POLQ: variants seen among roughly 807,000 people sequenced by gnomAD.
POLQ encodes DNA polymerase theta, also known as epididymis secretory sperm binding protein.
In POLQ, 233 loss-of-function variants were observed where a neutral mutation model predicts 259.2. The observed-to-expected ratio is 0.90, with a 90% CI of 0.81 to 1.00. The LOEUF is 1.00. POLQ is among the 50% of genes least tolerant of loss of function. POLQ has a pLI of 0.00. For synonymous variants in POLQ, 1,025 were observed against 1,048.8 expected, an observed-to-expected ratio of 0.98 and a Z score of 0.44; for missense variants, 2,871 against 3,051.6, an observed-to-expected ratio of 0.94 and a Z score of 1.39.
chr3:121,541,597 G>C, intron 2 of POLQ, 118 bp from the exon 3 acceptor site: 1 of 806,204 alleles, frequency 1.2e-6, no homozygotes, highest in East Asian at 2.6e-5. Flanking sequence ...AATCACTAAG[G>C]GCCCAATAGC....
At position 121,519,996 on chromosome 3, in the gene POLQ, GAAGA is replaced by G. The variant is rs758200157; in HGVS notation, c.1339_1342del (p.Ser447LeufsTer3). 3.7e-6 allele frequency: 6 copies of G among 1,613,164 alleles called. No individual in the cohort carries two copies. Among genetic ancestry groups the G allele is most frequent in the Middle Eastern group, 1.7e-4 (1 of 6,060 alleles). ...ACGACGTGCAGGTAAATTCACCCCAGAAGAAAGAGTAGAAGTTGCCGCCAAGACC... is the reference window on the plus strand; with the variant it reads ...ACGACGTGCAGGTAAATTCACCCCAGAAGAGTAGAAGTTGCCGCCAAGACC... On this transcript the variant is annotated frameshift_variant, in exon 9 of 30. Transcript: ENST00000264233. LOFTEE classifies it high-confidence loss of function.
intron 7 of POLQ, among the ~76,000 whole-genome samples, chr3:121,524,863 A>T (rs532305334): frequency 1.3e-5 from 2 of 152,228 alleles, no homozygotes; most frequent in South Asian, 4.1e-4. Context: ...ACATTTTCTT[A>T]TAAATAATAC....
intron 25 of POLQ, among the ~76,000 whole-genome samples, chr3:121,456,645 A>G (rs1276454575): frequency 2.0e-5 from 3 of 151,592 alleles, no homozygotes; most frequent in South Asian, 2.1e-4. Context: ...TGCTTCAAAG[A>G]GAATAAAATA....
Position 121,510,038 on chromosome 3 carries a change from C to G in POLQ, c.1816+1G>C, listed in dbSNP as rs146779177. The G allele has an allele frequency of 1.9e-6, 3 of 1,608,844 alleles. No individual in the cohort carries two copies. The African/African-American group carries it at 4.0e-5, about 21-fold the overall frequency. On this transcript the variant is annotated splice_donor_variant, in intron 11 of 29. Transcript: ENST00000264233. LOFTEE classifies it high-confidence loss of function. ...AATTGCAACTGAGAAGTCACACTTA[C>G]CTTCTGTTCCATCACTGGCTTCTGT... is the stretch of plus-strand genomic sequence containing the variant.
chr3:121,541,556 A>C, intron 2 of POLQ, 77 bp from the exon 3 acceptor site: 1 of 1,330,646 alleles, frequency 7.5e-7, no homozygotes, highest in East Asian at 2.3e-5. Flanking sequence ...GTTTTAAGCC[A>C]TGTGTAGTAC....
chr3:121,448,587 G>A (rs932735714), intron 26 of POLQ, among the ~76,000 whole-genome samples: 3 of 151,958 alleles, frequency 2.0e-5, no homozygotes, highest in Non-Finnish European at 2.9e-5. Context: ...GGATGGTCTC[G>A]ATCTCTTGAC....
At chr3:121,459,382 T>TTG (rs2047771274) in intron 25 of POLQ, among the ~76,000 whole-genome samples, 1 of 146,642 alleles carries the variant, frequency 6.8e-6, no homozygotes, top group East Asian at 2.0e-4. Context: ...TTTTTTTTTT[T>TTG]TTTTTTTTTT....
At chr3:121,458,900 A>C (rs650469) in intron 25 of POLQ, among the ~76,000 whole-genome samples, 7 of 152,240 alleles carry the variant, frequency 4.6e-5, no homozygotes, top group Non-Finnish European at 1.5e-5. Flanking sequence ...ACACACACAC[A>C]AAAACTACAA....
chr3:121,484,816 G>A (rs1290111911), intron 17 of POLQ, among the ~76,000 whole-genome samples: 2 of 152,048 alleles, frequency 1.3e-5, no homozygotes, highest in African/African-American at 4.8e-5. Flanking sequence ...CAGGAGAATC[G>A]CTTGAACCCA....
intron 8 of POLQ, 72 bp from the exon 9 acceptor site, chr3:121,520,155 A>C (rs1221740709): frequency 2.4e-6 from 2 of 846,074 alleles, no homozygotes; most frequent in Non-Finnish European, 3.9e-6. Context: ...TTACAAATGG[A>C]TTTGAGAGTC....
chr3:121,489,073 T>C lies in POLQ; in HGVS notation c.3858A>G (p.Leu1286=). The C allele has an allele frequency of 1.2e-6, 2 of 1,613,518 alleles. No homozygotes were observed. The highest frequency in any genetic ancestry group is 8.5e-7 in the Non-Finnish European group (1 of 1,179,466). The part of the protein sequence containing the change: ...SKSEGQHENF[L]NISRLQEKTG... ...TTTTTTCTTGTAGTCTAGAAATATTTAGAAAATTCTCATGCTGGCCTTCTG... is the reference window on the plus strand; with the variant it reads ...TTTTTTCTTGTAGTCTAGAAATATTCAGAAAATTCTCATGCTGGCCTTCTG... Residue 1286 remains leucine, a synonymous_variant, in exon 16 of 30, where the codon CTA becomes CTG. Coordinates refer to ENST00000264233, the MANE Select transcript of POLQ (RefSeq NM_199420.4).
intron 22 of POLQ, among the ~76,000 whole-genome samples, chr3:121,471,052 A>G: frequency 6.6e-6 from 1 of 152,250 alleles, no homozygotes; most frequent in East Asian, 1.9e-4. Context: ...CCCACATTCT[A>G]TACCACCAAT....
intron 25 of POLQ, among the ~76,000 whole-genome samples, chr3:121,453,428 G>A (rs1322086085): frequency 1.3e-5 from 2 of 152,164 alleles, no homozygotes; most frequent in Non-Finnish European, 2.9e-5. Flanking sequence ...GGCTTCAGAC[G>A]ATCAAACTAC....
intron 27 of POLQ, among the ~76,000 whole-genome samples, chr3:121,438,727 A>AT (rs974084814): frequency 6.6e-6 from 1 of 152,154 alleles, no homozygotes; most frequent in Non-Finnish European, 1.5e-5. Flanking sequence ...TTTCATATAT[A>AT]TTTTTTTGTT....
At position 121,491,346 on chromosome 3, in the gene POLQ, CAAAAAAAAAAAA is replaced by C. The variant is rs3045625; in HGVS notation, c.2523-950_2523-939del. On this transcript the variant is annotated intron_variant, in intron 15 of 29. Coordinates refer to ENST00000264233, the MANE Select transcript of POLQ (RefSeq NM_199420.4). The stretch of plus-strand genomic sequence containing the variant: ...CCAGGGCGACAGAGCGAGACTGTCA[CAAAAAAAAAAAA>C]AAAAAAAAAAAAAGACAAGACAAGA... Among the ~76,000 whole-genome samples the C allele has an allele frequency of 2.7e-4, 21 of 77,988 alleles. 1 individual carries two copies. Among genetic ancestry groups the C allele is most frequent in the Admixed American group, 2.4e-3 (13 of 5,350 alleles). The allele number at this position is 77,988 out of a possible 152,430, so 51.2% of individuals were successfully genotyped here.
intron 20 of POLQ, 118 bp downstream of exon 20, chr3:121,476,422 T>G (rs1576410263): frequency 9.0e-6 from 6 of 665,498 alleles, no homozygotes; most frequent in Non-Finnish European, 2.4e-6. Context: ...TAACTGGCTG[T>G]TTCATTTTAC....
chr3:121,519,633 G>A (rs1283430860), intron 9 of POLQ, among the ~76,000 whole-genome samples: 8 of 140,570 alleles, frequency 5.7e-5, no homozygotes, highest in African/African-American at 8.0e-5. Context: ...CCAAGATCGC[G>A]CCACTGCACT....
chr3:121,503,642 G>C (rs2048189192), intron 12 of POLQ, among the ~76,000 whole-genome samples: 1 of 152,106 alleles, frequency 6.6e-6, no homozygotes, highest in South Asian at 2.1e-4. Flanking sequence ...TGGGGGACTG[G>C]TTCCAGGACC....
intron 16 of POLQ, 119 bp downstream of exon 16, chr3:121,487,183 G>A (rs41541714): frequency 3.3e-6 from 2 of 600,864 alleles, no homozygotes; most frequent in Non-Finnish European, 2.8e-6. Flanking sequence ...CCACAGAGGA[G>A]ATACATACTA....
Sources: allele counts gnomAD v4.1 joint callset (sites outside exome capture counted in the v4.1 genomes callset), GRCh38; gene constraint gnomAD v4.1.1; transcripts MANE v1.5; gene names NCBI Gene and HGNC (gene_info 2026-07-23, HGNC 2026-07-21).